Variants in PIK3R4 observed in about 807,000 individuals in gnomAD.
The protein encoded by PIK3R4 is phosphoinositide 3-kinase regulatory subunit 4.
Under a neutral mutation model 136.5 loss-of-function variants are expected in PIK3R4, and 46 were observed. That is an observed-to-expected ratio of 0.34 (90% CI 0.27 to 0.43). The LOEUF is 0.43. PIK3R4 is among the 20% of genes least tolerant of loss of function. The pLI, the probability that PIK3R4 is intolerant of heterozygous loss-of-function variation, is 1.00. For synonymous variants in PIK3R4, 557 were observed against 566.7 expected (o/e 0.98, Z 0.24); for missense variants, 1,331 against 1,649.5 (o/e 0.81, Z 3.35).
chr3:130,694,412 G>T (rs2066535686), intron 13 of PIK3R4, among the ~76,000 whole-genome samples: 1 of 151,750 alleles, frequency 6.6e-6, no homozygotes, highest in Admixed American at 6.6e-5. Flanking sequence ...CATGAACATG[G>T]GGTTTCTTTC....
At chr3:130,721,895 T>C (rs1244034412) in intron 7 of PIK3R4, among the ~76,000 whole-genome samples, 2 of 152,158 alleles carry the variant, frequency 1.3e-5, no homozygotes, top group Admixed American at 6.5e-5. Context: ...AACTCTTAAA[T>C]GTTCTTACCA....
intron 19 of PIK3R4, among the ~76,000 whole-genome samples, chr3:130,679,786 A>G (rs2108512956): frequency 6.6e-6 from 1 of 152,308 alleles, no homozygotes; most frequent in African/African-American, 2.4e-5. Context: ...ATATAATTAA[A>G]AGATGTATAG....
In PIK3R4 at chr3:130,709,755, A is replaced by C. The variant is rs190660058; in HGVS notation, c.2332-1263T>G. On this transcript the variant is annotated intron_variant, in intron 9 of 19. Transcript: ENST00000356763. ...GGGGGACCTTAAAAACATTAAGATC[A>C]GTGAAAGAAGCCAGACACAGAAGGC... Among the ~76,000 whole-genome samples, 379 of 152,310 alleles carry C rather than the reference A, an allele frequency of 2.5e-3. 2 individuals are homozygous for C. Among genetic ancestry groups the C allele is most frequent in the African/African-American group, 8.8e-3 (365 of 41,564 alleles).
intron 13 of PIK3R4, 123 bp downstream of exon 13, chr3:130,703,600 T>A: frequency 1.5e-6 from 1 of 685,886 alleles, no homozygotes; most frequent in Non-Finnish European, 2.5e-6. Flanking sequence ...AGAAGAAGGA[T>A]TTTTGTCCAT....
intron 13 of PIK3R4, among the ~76,000 whole-genome samples, chr3:130,698,748 C>T (rs955463460): frequency 6.6e-6 from 1 of 152,150 alleles, no homozygotes; most frequent in African/African-American, 2.4e-5. Context: ...ACTGTGCATT[C>T]AAAATTAATA....
intron 16 of PIK3R4, among the ~76,000 whole-genome samples, 180 bp from the exon 17 acceptor site, chr3:130,681,771 T>A (rs2066460188): frequency 6.6e-6 from 1 of 152,202 alleles, no homozygotes; most frequent in African/African-American, 2.4e-5. Flanking sequence ...TAAATATTTT[T>A]ACTATGGGCT....
intron 6 of PIK3R4, among the ~76,000 whole-genome samples, chr3:130,727,344 C>G (rs894524334): frequency 1.3e-5 from 2 of 151,844 alleles, no homozygotes; most frequent in Middle Eastern, 3.4e-3. Context: ...CCTCAGCCCC[C>G]CTCCCGCCGC....
At chr3:130,712,963 TTA>T (rs2066640949) in intron 9 of PIK3R4, among the ~76,000 whole-genome samples, 1 of 152,120 alleles carries the variant, frequency 6.6e-6, no homozygotes, top group Non-Finnish European at 1.5e-5. Context: ...TCAGATAGGT[TTA>T]GATTCAAATG....
intron 12 of PIK3R4, among the ~76,000 whole-genome samples, chr3:130,704,785 C>T (rs768371734): frequency 2.6e-5 from 4 of 151,850 alleles, no homozygotes; most frequent in Non-Finnish European, 5.9e-5. Context: ...ATCGTTAAGG[C>T]GTAGGGTTAG....
chr3:130,684,205 TC>T, intron 16 of PIK3R4, 44 bp downstream of exon 16: 1 of 1,578,994 alleles, frequency 6.3e-7, no homozygotes, highest in Non-Finnish European at 8.7e-7. Flanking sequence ...TTATGTACTT[TC>T]CAAGAAAATC....
In PIK3R4 at chr3:130,733,808, G is replaced by A. The variant is rs1407188173; in HGVS notation, c.1190C>T (p.Ala397Val). The change falls in exon 4 of 20, where the codon GCT becomes GTT. Residue 397 changes from alanine (A) to valine (V), a missense_variant. Around this residue, in one of 2 missense-constraint regions of PIK3R4, gnomAD observed 1,180 missense variants for 1,407.0 expected, o/e 0.84. Transcript: ENST00000356763. ...QTLKYCDSKLAALELILHLAP... is the reference protein window; with the variant it reads ...QTLKYCDSKLVALELILHLAP... ...CAAATGAAGAATCAGTTCCAAAGCAGCTAGTTTGGAATCACAGTATTTAAG... is the reference window on the plus strand; with the variant it reads ...CAAATGAAGAATCAGTTCCAAAGCAACTAGTTTGGAATCACAGTATTTAAG... The A allele has an allele frequency of 3.1e-6, 5 of 1,614,142 alleles. No homozygotes were observed. The highest frequency in any genetic ancestry group is 4.2e-6 in the Non-Finnish European group (5 of 1,179,990).
intron 16 of PIK3R4, 82 bp downstream of exon 16, chr3:130,684,168 A>T (rs1211668474): frequency 7.7e-7 from 1 of 1,298,212 alleles, no homozygotes; most frequent in Non-Finnish European, 1.1e-6. Flanking sequence ...AAATAAAACT[A>T]AAAACATGAG....
intron 9 of PIK3R4, among the ~76,000 whole-genome samples, chr3:130,715,972 T>C (rs1366617770): frequency 6.6e-6 from 1 of 152,246 alleles, no homozygotes; most frequent in Non-Finnish European, 1.5e-5. Context: ...TGTTTACAAG[T>C]ATTAATTACA....
chr3:130,700,265 C>A (rs2066567977), intron 13 of PIK3R4, among the ~76,000 whole-genome samples: 1 of 152,122 alleles, frequency 6.6e-6, no homozygotes, highest in Non-Finnish European at 1.5e-5. Context: ...AAACATGTAA[C>A]CCTAACATTG....
At chr3:130,694,291 C>T (rs1213338111) in intron 13 of PIK3R4, among the ~76,000 whole-genome samples, 3 of 151,184 alleles carry the variant, frequency 2.0e-5, no homozygotes. Context: ...ATTTTAGGAT[C>T]AGATCATCGA....
chr3:130,712,344 T>C (rs1333084025), intron 9 of PIK3R4, among the ~76,000 whole-genome samples: 2 of 151,792 alleles, frequency 1.3e-5, no homozygotes, highest in Non-Finnish European at 2.9e-5. Context: ...AAGCTAAAAA[T>C]ATGGTCCTTC....
intron 9 of PIK3R4, among the ~76,000 whole-genome samples, chr3:130,715,211 C>A (rs1428374096): frequency 6.6e-6 from 1 of 150,386 alleles, no homozygotes; most frequent in African/African-American, 2.5e-5. Context: ...GCAACCTCTG[C>A]CTCCCAGGTT....
At chr3:130,680,573 G>A (rs1438122994) in intron 19 of PIK3R4, 40 bp downstream of exon 19, 2 of 1,088,904 alleles carry the variant, frequency 1.8e-6, no homozygotes, top group South Asian at 2.8e-5. Flanking sequence ...AGCCATGTTT[G>A]TGCTTACAAA....
At chr3:130,699,519 C>T (rs1486902996) in intron 13 of PIK3R4, among the ~76,000 whole-genome samples, 3 of 152,130 alleles carry the variant, frequency 2.0e-5, no homozygotes, top group African/African-American at 7.2e-5. Context: ...GATAAGATTA[C>T]AGTAAGTTAA....
Sources: gnomAD v4.1 joint callset for allele counts (sites outside exome capture counted in the v4.1 genomes callset) on GRCh38, gnomAD v4.1.1 for gene constraint, gnomAD v4.1.1 regional missense constraint, MANE v1.5 for transcripts, NCBI Gene and HGNC (gene_info 2026-07-23, HGNC 2026-07-21) for gene names.